Variants in MAP3K5 observed in about 807,000 individuals in gnomAD.
The protein encoded by MAP3K5 is ASK-1.
In MAP3K5, 56 loss-of-function variants were observed where a neutral mutation model predicts 158.7. The ratio of observed to expected loss-of-function variants is 0.35; its 90% CI spans 0.28 to 0.44. MAP3K5 has a LOEUF of 0.44. Ranked by LOEUF, MAP3K5 falls within the 20% of genes least tolerant of loss-of-function variation. The probability of loss-of-function intolerance (pLI) is 1.00; values close to 1 mark genes in which losing one functional copy is unlikely to be tolerated. For synonymous variants in MAP3K5, 579 were observed against 601.7 expected (o/e 0.96, Z 0.55); for missense variants, 1,294 against 1,674.8 (o/e 0.77, Z 3.97).
intron 24 of MAP3K5, among the ~76,000 whole-genome samples, chr6:136,581,242 C>A (rs1774862043): frequency 6.6e-6 from 1 of 152,194 alleles, no homozygotes; most frequent in Non-Finnish European, 1.5e-5. Flanking sequence ...TGGTTTGTTT[C>A]ACTTGGCATA....
At chr6:136,562,466 G>T in intron 27 of MAP3K5, 37 bp downstream of exon 27, 2 of 1,090,518 alleles carry the variant, frequency 1.8e-6, no homozygotes, top group Non-Finnish European at 2.6e-6. Context: ...TGGCAGCCTG[G>T]CTGAACAGTA....
chr6:136,600,969 A>G (rs1237374735), intron 21 of MAP3K5, 53 bp downstream of exon 21: 3 of 1,587,008 alleles, frequency 1.9e-6, no homozygotes, highest in East Asian at 2.2e-5. Context: ...TCTGGAGTTT[A>G]TCACACCAGA....
intron 25 of MAP3K5, chr6:136,579,968 C>G (rs1413091859): frequency 2.3e-6 from 1 of 426,520 alleles, no homozygotes; most frequent in Non-Finnish European, 4.6e-6. Context: ...GATTTGGGAA[C>G]CACTGGGTAA....
chr6:136,700,987 T>A (rs1443182422), intron 3 of MAP3K5, among the ~76,000 whole-genome samples: 1 of 152,212 alleles, frequency 6.6e-6, no homozygotes, highest in Non-Finnish European at 1.5e-5. Flanking sequence ...AAACATGTAT[T>A]CACCATGTGT....
At chr6:136,615,054 A>C (rs1272099164) in intron 15 of MAP3K5, among the ~76,000 whole-genome samples, 1 of 152,238 alleles carries the variant, frequency 6.6e-6, no homozygotes, top group Non-Finnish European at 1.5e-5. Flanking sequence ...GAGCAGAACA[A>C]CACTTTTGAT....
intron 25 of MAP3K5, 130 bp downstream of exon 25, chr6:136,580,171 T>G: frequency 1.6e-6 from 1 of 624,456 alleles, no homozygotes; most frequent in East Asian, 2.8e-5. Flanking sequence ...TTTGGTGATG[T>G]TGAAAATATT....
At chr6:136,697,182 C>A in intron 5 of MAP3K5, 37 bp downstream of exon 5, 4 of 1,581,772 alleles carry the variant, frequency 2.5e-6, no homozygotes, top group Middle Eastern at 1.7e-4. Flanking sequence ...CTCCAACATG[C>A]TACACAACAA....
intron 1 of MAP3K5, among the ~76,000 whole-genome samples, chr6:136,751,247 T>C (rs1327763204): frequency 6.6e-6 from 1 of 152,102 alleles, no homozygotes; most frequent in Non-Finnish European, 1.5e-5. Context: ...GTTAAGTGTT[T>C]ATTTGGGAAT....
intron 23 of MAP3K5, among the ~76,000 whole-genome samples, chr6:136,590,176 C>A (rs1775320714): frequency 6.6e-6 from 1 of 152,168 alleles, no homozygotes; most frequent in African/African-American, 2.4e-5. Context: ...CGAGTTGAAG[C>A]AGCATGAGGC....
intron 11 of MAP3K5, 68 bp downstream of exon 11, chr6:136,650,916 T>G: frequency 1.1e-6 from 1 of 905,160 alleles, no homozygotes; most frequent in Non-Finnish European, 1.7e-6. Context: ...TGCTGGAGTA[T>G]GTAAATGCTA....
chr6:136,655,317 A>T (rs986771503), intron 10 of MAP3K5, among the ~76,000 whole-genome samples: 6 of 152,346 alleles, frequency 3.9e-5, no homozygotes, highest in African/African-American at 1.4e-4. Context: ...GTATTTTCCT[A>T]GGCTACACAT....
At chr6:136,646,485 C>T (rs774590679) in intron 11 of MAP3K5, among the ~76,000 whole-genome samples, 1 of 152,084 alleles carries the variant, frequency 6.6e-6, no homozygotes, top group Non-Finnish European at 1.5e-5. Flanking sequence ...ACTCATTTTC[C>T]AAAAATCTCT....
chr6:136,589,016 C>T (rs1198864736), intron 23 of MAP3K5, among the ~76,000 whole-genome samples: 1 of 152,142 alleles, frequency 6.6e-6, no homozygotes, highest in African/African-American at 2.4e-5. Flanking sequence ...CCTTTCAGCT[C>T]CTTCTATGAG....
intron 14 of MAP3K5, among the ~76,000 whole-genome samples, chr6:136,631,925 G>T (rs1331535936): frequency 6.6e-6 from 1 of 152,168 alleles, no homozygotes; most frequent in Non-Finnish European, 1.5e-5. Flanking sequence ...AGCTAGGCCA[G>T]AGGAGTGGGC....
chr6:136,595,006 A>G (rs955902237), intron 21 of MAP3K5, among the ~76,000 whole-genome samples: 1 of 152,192 alleles, frequency 6.6e-6, no homozygotes, highest in Admixed American at 6.5e-5. Context: ...GTAAAACTGT[A>G]TATGCTTAAG....
chr6:136,641,759 C>T (rs549302934), intron 12 of MAP3K5, among the ~76,000 whole-genome samples: 42 of 151,278 alleles, frequency 2.8e-4, no homozygotes, highest in African/African-American at 7.8e-4. Context: ...AAGCCCTACA[C>T]GGGCGGATCA....
At chr6:136,696,719 C>T (rs980424286) in intron 5 of MAP3K5, among the ~76,000 whole-genome samples, 6 of 152,146 alleles carry the variant, frequency 3.9e-5, no homozygotes, top group Admixed American at 3.9e-4. Context: ...AATGATATAA[C>T]CTGTTAGTGT....
chr6:136,616,709 G>GATA (rs560107929), intron 15 of MAP3K5, among the ~76,000 whole-genome samples: 78 of 151,998 alleles, frequency 5.1e-4, no homozygotes, highest in African/African-American at 1.8e-3. Context: ...ACTCGATGAT[G>GATA]ATGATGATGA....
chr6:136,750,302 TC>T (rs1299486071), intron 1 of MAP3K5, among the ~76,000 whole-genome samples: 1 of 152,226 alleles, frequency 6.6e-6, no homozygotes, highest in African/African-American at 2.4e-5. Flanking sequence ...GGTCTCGAAC[TC>T]CTGGCCTCAA....
Sources: gnomAD v4.1 joint callset for allele counts (sites outside exome capture counted in the v4.1 genomes callset) on GRCh38, gnomAD v4.1.1 for gene constraint, MANE v1.5 for transcripts, NCBI Gene and HGNC (gene_info 2026-07-23, HGNC 2026-07-21) for gene names.